Variants in HDAC9 observed in about 807,000 individuals in gnomAD.
HDAC9 encodes the protein MEF-2 interacting transcription repressor (MITR) protein.
In HDAC9, 41 loss-of-function variants were observed where a neutral mutation model predicts 139.4. That is an observed-to-expected ratio of 0.29 (90% CI 0.23 to 0.38). HDAC9 has a LOEUF of 0.38. Among genes scored for constraint, HDAC9 ranks in the 10% least tolerant of loss-of-function variants. The pLI is 1.00. For missense variants in HDAC9, 1,147 were observed against 1,297.0 expected (o/e 0.88, Z 1.78); for synonymous variants, 517 against 476.2 (o/e 1.09, Z -1.12).
intron 1 of HDAC9, among the ~76,000 whole-genome samples, chr7:18,484,510 C>T (rs17432356): frequency 0.017 from 2,592 of 151,950 alleles, 31 homozygotes; most frequent in Non-Finnish European, 0.028. Context: ...AAATCAAATG[C>T]CTGAAGTTTT....
chr7:18,487,047 A>T (rs553152809), intron 1 of HDAC9, among the ~76,000 whole-genome samples: 23 of 152,234 alleles, frequency 1.5e-4, no homozygotes, highest in African/African-American at 4.8e-4. Context: ...GTGCACCAGC[A>T]AGGGCTTCTA....
chr7:18,760,557 A>G (rs1041779025), intron 14 of HDAC9, among the ~76,000 whole-genome samples: 9 of 152,182 alleles, frequency 5.9e-5, no homozygotes, highest in Non-Finnish European at 7.4e-5. Context: ...TCATACTTTT[A>G]TTTTTATAGT....
chr7:18,499,524 G>T (rs527775572), intron 2 of HDAC9, among the ~76,000 whole-genome samples: 1 of 152,154 alleles, frequency 6.6e-6, no homozygotes, highest in East Asian at 1.9e-4. Flanking sequence ...TGTGGGCCAG[G>T]GTAAGTGATA....
At chr7:18,807,818 G>T (rs1793842728) in intron 17 of HDAC9, among the ~76,000 whole-genome samples, 1 of 152,102 alleles carries the variant, frequency 6.6e-6, no homozygotes, top group African/African-American at 2.4e-5. Context: ...TCATAAATCT[G>T]TTAAGACTTG....
intron 12 of HDAC9, among the ~76,000 whole-genome samples, chr7:18,705,207 C>A (rs953071040): frequency 6.6e-6 from 1 of 152,154 alleles, no homozygotes; most frequent in Non-Finnish European, 1.5e-5. Flanking sequence ...GCACTAATGA[C>A]ACTACTGACT....
intron 11 of HDAC9, among the ~76,000 whole-genome samples, chr7:18,650,260 G>A (rs2239927): frequency 1.7e-4 from 26 of 151,972 alleles, no homozygotes; most frequent in South Asian, 1.0e-3. Context: ...ATTAGGGATC[G>A]TATTTTTTTG....
At chr7:18,477,270 A>G (rs958633755) in intron 1 of HDAC9, among the ~76,000 whole-genome samples, 1 of 152,208 alleles carries the variant, frequency 6.6e-6, no homozygotes, top group African/African-American at 2.4e-5. Flanking sequence ...CCCCCAAAAC[A>G]TGAATATTAG....
At chr7:18,790,697 G>A (rs12539715) in intron 16 of HDAC9, among the ~76,000 whole-genome samples, 88,254 of 152,024 alleles carry the variant, frequency 0.58, 25,710 homozygotes, top group South Asian at 0.65. Flanking sequence ...ACTAAATGTA[G>A]GTAAAACATA....
At chr7:18,377,211 A>G (rs988173205) in intron 1 of HDAC9, among the ~76,000 whole-genome samples, 1 of 151,834 alleles carries the variant, frequency 6.6e-6, no homozygotes, top group South Asian at 2.1e-4. Context: ...GGGTGATGGA[A>G]CTCTCAGGGG....
intron 22 of HDAC9, among the ~76,000 whole-genome samples, chr7:18,878,266 C>T (rs13241140): frequency 0.033 from 5,015 of 152,242 alleles, 172 homozygotes; most frequent in African/African-American, 0.089. Context: ...TCAACACATA[C>T]ATGCGTTCAC....
intron 2 of HDAC9, among the ~76,000 whole-genome samples, chr7:18,244,252 T>C (rs1305694532): frequency 6.6e-6 from 1 of 152,008 alleles, no homozygotes; most frequent in African/African-American, 2.4e-5. Context: ...GTTCTAGTCA[T>C]ATGAGAAAAA....
intron 22 of HDAC9, among the ~76,000 whole-genome samples, chr7:18,902,333 C>T (rs949486316): frequency 2.0e-5 from 3 of 152,132 alleles, no homozygotes; most frequent in African/African-American, 7.2e-5. Flanking sequence ...CTAATGTGTC[C>T]TTAGGAGAGT....
rs1788673519 is a variant in HDAC9 at position 18,174,012 on chromosome 7, A to G, written c.25+11663A>G. On this transcript the variant is annotated intron_variant, in intron 2 of 12. Transcript: ENST00000417496. ...TTGGCCTGTCTTGTTAGTTTGGGGA[A>G]GTTCTCCTCGATAATATCCTGAAGA... Among the ~76,000 whole-genome samples, 3 of 152,156 alleles carry G rather than the reference A, an allele frequency of 2.0e-5. No homozygotes were observed. In the South Asian group the frequency reaches 6.2e-4, roughly 31 times the overall value.
chr7:18,751,617 T>TTTTTTTTTTTTTTTTTTTTTTGAGACGG (rs1407021764), intron 14 of HDAC9, among the ~76,000 whole-genome samples: 3 of 152,116 alleles, frequency 2.0e-5, no homozygotes, highest in African/African-American at 4.8e-5. Context: ...ATGGAACTTC[T>TTTTTTTTTTTTTTTTTTTTTTGAGACGG]AAAACTGCTA....
chr7:18,156,350 C>T (rs1472815497), intron 1 of HDAC9, among the ~76,000 whole-genome samples: 1 of 152,184 alleles, frequency 6.6e-6, no homozygotes, highest in African/African-American at 2.4e-5. Flanking sequence ...TGGTGTCTTC[C>T]CAACCCATGA....
At chr7:18,500,803 T>A (rs764161254) in intron 2 of HDAC9, among the ~76,000 whole-genome samples, 4 of 152,092 alleles carry the variant, frequency 2.6e-5, no homozygotes, top group Admixed American at 6.6e-5. Context: ...GTCTTAGTAT[T>A]GCTTCCTACA....
At chr7:18,797,081 G>A (rs1562948659) in intron 17 of HDAC9, among the ~76,000 whole-genome samples, 1 of 152,112 alleles carries the variant, frequency 6.6e-6, no homozygotes, top group Non-Finnish European at 1.5e-5. Flanking sequence ...GCCTTCTATA[G>A]GCAGCCAGTT....
chr7:18,993,563 A>C (rs1786181827), intron 25 of HDAC9, among the ~76,000 whole-genome samples: 1 of 152,172 alleles, frequency 6.6e-6, no homozygotes, highest in South Asian at 2.1e-4. Context: ...GCATTTTGGA[A>C]GGCTAAAGCA....
chr7:18,628,309 G>T (rs886512100), intron 6 of HDAC9, among the ~76,000 whole-genome samples: 1 of 152,122 alleles, frequency 6.6e-6, no homozygotes, highest in African/African-American at 2.4e-5. Context: ...TACCCTGTCT[G>T]TCTGTTTTGG....
Sources: allele counts gnomAD v4.1 joint callset (sites outside exome capture counted in the v4.1 genomes callset), GRCh38; gene constraint gnomAD v4.1.1; transcripts MANE v1.5; gene names NCBI Gene and HGNC (gene_info 2026-07-23, HGNC 2026-07-21).